CREBRF: variants seen among roughly 807,000 people sequenced by gnomAD.
CREBRF encodes the protein CREB3 regulatory factor.
In CREBRF, 5 loss-of-function variants were observed where a neutral mutation model predicts 66.1. The ratio of observed to expected loss-of-function variants is 0.08; its 90% CI spans 0.04 to 0.16. CREBRF has a LOEUF of 0.16. Ranked by LOEUF, CREBRF falls within the 10% of genes least tolerant of loss-of-function variation. The pLI, the probability that CREBRF is intolerant of heterozygous loss-of-function variation, is 1.00. For synonymous variants in CREBRF, 229 were observed against 264.4 expected (o/e 0.87, Z 1.30); for missense variants, 531 against 744.9 (o/e 0.71, Z 3.34).
In CREBRF at chr5:173,137,914, T is replaced by G. The variant is rs1458372260; in HGVS notation, c.*4169T>G. ...CTTTATATAGTTTCCTAAAATTCTG[T>G]TCAAGTATTTTCTAGTTAATTATGT... On this transcript the variant is annotated 3_prime_UTR_variant, in exon 9 of 9. Coordinates refer to ENST00000296953, the MANE Select transcript of CREBRF (RefSeq NM_153607.3). 6.6e-6 allele frequency: 1 copy of G among 152,190 alleles called. No homozygotes were observed. Among genetic ancestry groups the G allele is most frequent in the Non-Finnish European group, 1.5e-5 (1 of 68,006 alleles). 9.4% of individuals were successfully genotyped at this position (152,190 alleles called of 1,614,324 possible).
chr5:173,096,683 G>T (rs1157625442), intron 4 of CREBRF, among the ~76,000 whole-genome samples: 1 of 151,932 alleles, frequency 6.6e-6, no homozygotes, highest in African/African-American at 2.4e-5. Flanking sequence ...CACTGAGTAT[G>T]GTGTTAGCTA....
chr5:173,081,577 C>T (rs996319883), intron 2 of CREBRF, among the ~76,000 whole-genome samples: 6 of 152,050 alleles, frequency 3.9e-5, no homozygotes, highest in African/African-American at 1.4e-4. Context: ...TCTGGTGACT[C>T]GGAGACAGGC....
intron 7 of CREBRF, among the ~76,000 whole-genome samples, chr5:173,117,739 C>T (rs1234244040): frequency 6.8e-6 from 1 of 147,508 alleles, no homozygotes; most frequent in Non-Finnish European, 1.5e-5. Flanking sequence ...CTTGTCTTTC[C>T]TCGCTCTGTT....
Position 173,090,518 on chromosome 5 carries a change from A to G in CREBRF, c.339A>G (p.Lys113=). 2 of 1,613,408 alleles carry G rather than the reference A, an allele frequency of 1.2e-6. No individual in the cohort carries two copies. The highest frequency in any genetic ancestry group is 1.7e-6 in the Non-Finnish European group (2 of 1,179,338). ...KLTSCDIWGT[K]EVDYLGLDDF... Reference sequence around the variant, plus strand: ...CCAGCTGTGACATCTGGGGAACAAAAGAAGTGGATTACTTGGGTCTTGATG... The same window carrying G: ...CCAGCTGTGACATCTGGGGAACAAAGGAAGTGGATTACTTGGGTCTTGATG... The change falls in exon 4 of 9, where the codon AAA becomes AAG. Residue 113 remains lysine (K), a synonymous_variant. Transcript: ENST00000296953. The surrounding 1 kb of genome is among the most constrained non-coding windows in gnomAD (Gnocchi z 4.5).
chr5:173,096,260 C>T (rs963436583), intron 4 of CREBRF, among the ~76,000 whole-genome samples: 6 of 152,136 alleles, frequency 3.9e-5, no homozygotes, highest in African/African-American at 7.2e-5. Context: ...TGAGCCACTG[C>T]GCCCAGCCTA....
In CREBRF at chr5:173,056,422, G is replaced by C. The variant is rs1273991378; in HGVS notation, c.-249G>C. The C allele has an allele frequency of 1.5e-5, 6 of 398,250 alleles. No homozygotes were observed. The highest frequency in any genetic ancestry group is 2.7e-5 in the Non-Finnish European group (6 of 225,886). The allele number at this position is 398,250 out of a possible 1,614,324, so 24.7% of individuals were successfully genotyped here. A position where few individuals can be genotyped will look rare whatever the true frequency, so the allele number is the denominator to read the frequency against. On this transcript the variant is annotated 5_prime_UTR_variant, in exon 1 of 9. Coordinates refer to ENST00000296953, the MANE Select transcript of CREBRF (RefSeq NM_153607.3). Reference sequence around the variant, plus strand: ...ACAAACCCGAGGCAGCATGGAGAGGGGCCGTGGCCCCTGCAGCGGAACCGG... The same window carrying C: ...ACAAACCCGAGGCAGCATGGAGAGGCGCCGTGGCCCCTGCAGCGGAACCGG...
At chr5:173,060,392 A>G (rs1285649511) in intron 1 of CREBRF, 1 of 151,868 alleles carries the variant, frequency 6.6e-6, no homozygotes, top group Non-Finnish European at 1.5e-5. Flanking sequence ...CGCTATGCTC[A>G]GCTAATTTTT....
Position 173,134,662 on chromosome 5 carries a change from A to G in CREBRF, c.*917A>G, listed in dbSNP as rs943141189. On this transcript the variant is annotated 3_prime_UTR_variant, in exon 9 of 9. Coordinates refer to ENST00000296953, the MANE Select transcript of CREBRF (RefSeq NM_153607.3). ...GATTGTTTTATTTTTTGTACCAAAG[A>G]CAAATGCAACTGATATGGCAAACTG... 1 of 152,878 alleles carries G rather than the reference A, an allele frequency of 6.5e-6. No individual in the cohort carries two copies. Among genetic ancestry groups the G allele is most frequent in the African/African-American group, 2.4e-5 (1 of 41,444 alleles). 9.5% of individuals were successfully genotyped at this position (152,878 alleles called of 1,614,324 possible).
chr5:173,093,360 A>G (rs1363155630), intron 4 of CREBRF, among the ~76,000 whole-genome samples: 2 of 152,202 alleles, frequency 1.3e-5, no homozygotes, highest in African/African-American at 2.4e-5. Flanking sequence ...GCAAATAAAA[A>G]TTGTATACGT....
At chr5:173,117,742 G>A (rs879840831) in intron 7 of CREBRF, among the ~76,000 whole-genome samples, 6 of 133,728 alleles carry the variant, frequency 4.5e-5, no homozygotes, top group South Asian at 4.9e-4. Flanking sequence ...GTCTTTCCTC[G>A]CTCTGTTGTC....
chr5:173,089,281 C>A (rs941870022), intron 3 of CREBRF, among the ~76,000 whole-genome samples: 2 of 151,136 alleles, frequency 1.3e-5, no homozygotes, highest in South Asian at 2.1e-4. Context: ...AGACTCAAAA[C>A]GTCCTCATTT....
intron 3 of CREBRF, among the ~76,000 whole-genome samples, chr5:173,089,501 C>T (rs969009379): frequency 6.6e-6 from 1 of 151,846 alleles, no homozygotes; most frequent in Non-Finnish European, 1.5e-5. Context: ...ATGCTGCATT[C>T]ATTTCAATGG....
At chr5:173,133,128 T>C (rs1003769603) in intron 8 of CREBRF, among the ~76,000 whole-genome samples, 2 of 152,222 alleles carry the variant, frequency 1.3e-5, no homozygotes, top group African/African-American at 4.8e-5. Flanking sequence ...TATTCGTTCA[T>C]TCACTTTTTT....
rs1335683624 is a variant in CREBRF at position 173,062,802 on chromosome 5, C to T, written c.-192+6323C>T. ...TTGCTCTGTCGCCCAGGCTGGAGTGCAGTGGTGGGATCTCGCCTCACTGCA... is the reference window on the plus strand; with the variant it reads ...TTGCTCTGTCGCCCAGGCTGGAGTGTAGTGGTGGGATCTCGCCTCACTGCA... On this transcript the variant is annotated intron_variant, in intron 1 of 8. Coordinates refer to ENST00000296953, the MANE Select transcript of CREBRF (RefSeq NM_153607.3). Among the ~76,000 whole-genome samples the T allele has an allele frequency of 1.4e-4, 19 of 140,278 alleles. No individual in the cohort carries two copies. In the Admixed American group the frequency reaches 1.5e-3, roughly 11 times the overall value. 92.0% of individuals were successfully genotyped at this position (140,278 alleles called of 152,430 possible).
At chr5:173,092,089 A>G (rs916503732) in intron 4 of CREBRF, 2 of 765,030 alleles carry the variant, frequency 2.6e-6, no homozygotes, top group African/African-American at 3.8e-5. Flanking sequence ...CTCAATAACA[A>G]CAAAAAATAA....
intron 1 of CREBRF, among the ~76,000 whole-genome samples, chr5:173,058,152 G>A (rs1000783696): frequency 6.6e-6 from 1 of 151,814 alleles, no homozygotes; most frequent in Non-Finnish European, 1.5e-5. Flanking sequence ...ATCCAAAATA[G>A]GATATACACC....
chr5:173,078,104 A>G (rs927769272), intron 1 of CREBRF, among the ~76,000 whole-genome samples: 1 of 152,212 alleles, frequency 6.6e-6, no homozygotes, highest in Admixed American at 6.5e-5. Flanking sequence ...GCTAGATCAT[A>G]TGGTAATTGG....
At chr5:173,064,097 CTTG>C (rs1192133353) in intron 1 of CREBRF, among the ~76,000 whole-genome samples, 5 of 151,726 alleles carry the variant, frequency 3.3e-5, no homozygotes, top group African/African-American at 1.2e-4. Context: ...TTTTTAGATT[CTTG>C]TTGTACATAT....
At position 173,090,466 on chromosome 5, in the gene CREBRF, A is replaced by G; in HGVS notation, c.287A>G (p.Glu96Gly). ...SNWEQWDTYC[E>G]DLTKYTKLTS... ...TGGGAACAGTGGGATACATACTGTG[A>G]AGACCTAACGAAATATACCAAACTA... The change falls in exon 4 of 9, where the codon GAA becomes GGA. Residue 96 changes from glutamate to glycine, a missense_variant. Glu to Gly is a moderately conservative substitution (Grantham distance 98, BLOSUM62 -2). Transcript: ENST00000296953. This position sits in a 1 kb window ranked among gnomAD's most constrained non-coding sequence, Gnocchi z 4.5. 6.2e-7 allele frequency: 1 copy of G among 1,613,904 alleles called. No individual in the cohort carries two copies. Among genetic ancestry groups the G allele is most frequent in the Non-Finnish European group, 8.5e-7 (1 of 1,179,786 alleles).
Sources: allele counts gnomAD v4.1 joint callset (sites outside exome capture counted in the v4.1 genomes callset), GRCh38; gene constraint gnomAD v4.1.1; non-coding constraint Gnocchi (gnomAD v3.1); transcripts MANE v1.5; gene names NCBI Gene and HGNC (gene_info 2026-07-23, HGNC 2026-07-21).